The following KATNAL2 variants were observed in gnomAD, a reference collection of about 807,000 sequenced individuals.
KATNAL2 encodes katanin p60 ATPase-containing subunit A-like 2.
KATNAL2 carries 52 observed loss-of-function variants against 76.3 expected under a neutral mutation model. The observed-to-expected ratio is 0.68, with a 90% CI of 0.55 to 0.86. The LOEUF is 0.86. Ranked by LOEUF, KATNAL2 falls within the 40% of genes least tolerant of loss-of-function variation. The pLI is 0.00. For synonymous variants in KATNAL2, 243 were observed against 244.2 expected, an observed-to-expected ratio of 1.00 and a Z score of 0.05; for missense variants, 660 against 668.9, an observed-to-expected ratio of 0.99 and a Z score of 0.15.
Position 47,054,597 on chromosome 18 carries a change from C to G in KATNAL2, c.332+159C>G, listed in dbSNP as rs2061421157. ...CCCAGGACTTCTCTCATTACAGCTG[C>G]CCCAGATTTGGGCCAATGTCCGTCT... On this transcript the variant is annotated intron_variant, in intron 6 of 17. Transcript: ENST00000683218. 4.2e-6 allele frequency: 3 copies of G among 709,008 alleles called. No individual in the cohort carries two copies. In the South Asian group the frequency reaches 5.5e-5, roughly 13 times the overall value. 43.9% of individuals were successfully genotyped at this position (709,008 alleles called of 1,614,324 possible).
intron 1 of KATNAL2, among the ~76,000 whole-genome samples, chr18:46,919,604 G>T (rs760716743): frequency 6.6e-6 from 1 of 152,088 alleles, no homozygotes; most frequent in Admixed American, 6.5e-5. Context: ...AGCTGCGATC[G>T]CACCATTGCA....
intron 3 of KATNAL2, among the ~76,000 whole-genome samples, chr18:46,955,780 T>A (rs996047643): frequency 1.3e-5 from 2 of 152,184 alleles, no homozygotes; most frequent in African/African-American, 4.8e-5. Flanking sequence ...CTTGAACTCC[T>A]GTCCTCACAC....
At chr18:46,937,222 A>G (rs760770324) in intron 1 of KATNAL2, among the ~76,000 whole-genome samples, 4 of 152,118 alleles carry the variant, frequency 2.6e-5, no homozygotes, top group Non-Finnish European at 5.9e-5. Context: ...CCAGTTTTTC[A>G]TGAGAAAAAC....
intron 1 of KATNAL2, among the ~76,000 whole-genome samples, chr18:46,935,327 A>G (rs1483004656): frequency 1.3e-5 from 2 of 152,182 alleles, no homozygotes; most frequent in Admixed American, 1.3e-4. Context: ...AGGAGAAACC[A>G]AGGCACAGGA....
chr18:46,932,928 A>T (rs2058977130), intron 1 of KATNAL2, among the ~76,000 whole-genome samples: 1 of 151,366 alleles, frequency 6.6e-6, no homozygotes, highest in Non-Finnish European at 1.5e-5. Flanking sequence ...ATGCCCCACT[A>T]ATTTTTGTAT....
intron 3 of KATNAL2, chr18:47,034,709 G>T: frequency 6.2e-7 from 1 of 1,612,992 alleles, no homozygotes; most frequent in Non-Finnish European, 8.5e-7. Context: ...GGCGCAGCGG[G>T]CTCAGGGCCC....
chr18:47,033,789 G>C (rs758467557), intron 3 of KATNAL2: 4 of 1,614,234 alleles, frequency 2.5e-6, no homozygotes, highest in Admixed American at 1.7e-5. Flanking sequence ...TTGGTGAAGA[G>C]AGTGCTTCTG....
intron 3 of KATNAL2, among the ~76,000 whole-genome samples, chr18:46,955,521 G>GCTTC (rs555737857): frequency 1.9e-4 from 28 of 151,118 alleles, no homozygotes; most frequent in South Asian, 6.3e-4. Context: ...CGCGCCTGAC[G>GCTTC]CTTCCTTCCT....
At chr18:47,074,527 C>G (rs1159282823) in intron 13 of KATNAL2, among the ~76,000 whole-genome samples, 1 of 152,096 alleles carries the variant, frequency 6.6e-6, no homozygotes, top group African/African-American at 2.4e-5. Context: ...AGATCAGTTT[C>G]AGGGTTAAAA....
chr18:47,037,874 G>T (rs1331006664), intron 3 of KATNAL2, among the ~76,000 whole-genome samples: 1 of 151,204 alleles, frequency 6.6e-6, no homozygotes, highest in African/African-American at 2.4e-5. Context: ...ATTAGAGATG[G>T]GAGTCTCCCT....
rs1351864142 is a variant in KATNAL2 at position 47,052,998 on chromosome 18, G to A, written c.241G>A (p.Val81Ile). The A allele has an allele frequency of 1.2e-6, 2 of 1,607,126 alleles. No homozygotes were observed. Among genetic ancestry groups the A allele is most frequent in the Admixed American group, 1.7e-5 (1 of 58,706 alleles). Residue 81 changes from valine to isoleucine, a missense_variant, in exon 5 of 18, where the codon GTA becomes ATA. Coordinates refer to ENST00000683218, the MANE Select transcript of KATNAL2 (RefSeq NM_001387690.1). ...GATGGAATATGAGAGTTATTATTTT[G>A]TAAAATTTCAGAAATACCCCAAAAT... is the stretch of plus-strand genomic sequence containing the variant. ...ILMEYESYYFVKFQKYPKIVK... is the reference protein window; with the variant it reads ...ILMEYESYYFIKFQKYPKIVK...
chr18:47,049,369 G>T (rs1451934907), intron 4 of KATNAL2, among the ~76,000 whole-genome samples: 1 of 152,098 alleles, frequency 6.6e-6, no homozygotes, highest in African/African-American at 2.4e-5. Flanking sequence ...TACCCAACTT[G>T]GTTCAGCAAA....
chr18:47,040,443 T>C (rs188085999), intron 3 of KATNAL2, among the ~76,000 whole-genome samples: 1 of 152,304 alleles, frequency 6.6e-6, no homozygotes, highest in African/African-American at 2.4e-5. Flanking sequence ...GAGGAGTTGA[T>C]GAAAGGAAGA....
At position 47,035,023 on chromosome 18, in the gene KATNAL2, C is replaced by G. The variant is rs137863560; in HGVS notation, c.52-11434C>G. On this transcript the variant is annotated intron_variant, in intron 3 of 17. Transcript: ENST00000683218. ...GTCCTGTGGGCCAGGCCGGGTGTTT[C>G]GGTCCACGAGCACCAGCTTCTTCCA... The G allele has an allele frequency of 6.6e-5, 106 of 1,611,522 alleles. No individual in the cohort carries two copies. Among genetic ancestry groups the G allele is most frequent in the Non-Finnish European group, 6.7e-5 (79 of 1,179,614 alleles).
At chr18:46,959,443 TAG>T (rs2059866360) in intron 3 of KATNAL2, among the ~76,000 whole-genome samples, 1 of 152,174 alleles carries the variant, frequency 6.6e-6, no homozygotes, top group Admixed American at 6.5e-5. Flanking sequence ...AATGCCACAT[TAG>T]TACTCTTGGA....
At chr18:46,927,632 G>T (rs1174767766) in intron 1 of KATNAL2, among the ~76,000 whole-genome samples, 1 of 152,138 alleles carries the variant, frequency 6.6e-6, no homozygotes, top group Non-Finnish European at 1.5e-5. Flanking sequence ...ATGTTGGCCT[G>T]CCTTGCTAGA....
rs1275624358 is a variant in KATNAL2, at chr18:46,946,841, C to T, written c.-19-13C>T. On this transcript the variant is annotated splice_polypyrimidine_tract_variant and intron_variant, in intron 2 of 17. Coordinates refer to ENST00000683218, the MANE Select transcript of KATNAL2 (RefSeq NM_001387690.1). ...GTCAGCCCAGTAACTGACTACTTTT[C>T]TCCCTTCTCTAGGGTCCTAGCACAG... 2 of 1,533,638 alleles carry T rather than the reference C, an allele frequency of 1.3e-6. No individual in the cohort carries two copies. The highest frequency in any genetic ancestry group is 1.7e-6 in the Non-Finnish European group (2 of 1,145,260).
chr18:47,049,933 A>G (rs185106714), intron 4 of KATNAL2, among the ~76,000 whole-genome samples: 178 of 152,290 alleles, frequency 1.2e-3, no homozygotes, highest in Middle Eastern at 3.4e-3. Context: ...GAATCTCGCT[A>G]TGTAGACATA....
At chr18:46,945,218 T>C (rs1042587557) in intron 1 of KATNAL2, among the ~76,000 whole-genome samples, 3 of 152,230 alleles carry the variant, frequency 2.0e-5, no homozygotes, top group Non-Finnish European at 4.4e-5. Flanking sequence ...AATCACATTT[T>C]TAACTTTTTG....
Sources: allele counts gnomAD v4.1 joint callset (sites outside exome capture counted in the v4.1 genomes callset), GRCh38; gene constraint gnomAD v4.1.1; transcripts MANE v1.5; gene names NCBI Gene and HGNC (gene_info 2026-07-23, HGNC 2026-07-21).